The following UMAD1 variants were observed in gnomAD, a reference collection of about 807,000 sequenced individuals.
The protein encoded by UMAD1 is UBAP1-MVB12-associated (UMA)-domain containing protein 1.
In UMAD1, 8 loss-of-function variants were observed where a neutral mutation model predicts 6.1. The observed-to-expected ratio is 1.30, with a 90% CI of 0.76 to 2.35. The LOEUF is 2.35. Among genes scored for constraint, UMAD1 ranks in the 30% most tolerant of loss-of-function variants. The pLI is 0.00. For synonymous variants in UMAD1, 56 were observed against 31.4 expected (o/e 1.78, Z -2.61); for missense variants, 130 against 78.4 (o/e 1.66, Z -2.49).
In UMAD1 at chr7:7,777,482, G is replaced by C. The variant is rs1782234765; in HGVS notation, c.83-24188G>C. On this transcript the variant is annotated intron_variant, in intron 2 of 3. Transcript: ENST00000682710. ...GATTGAACCACCGCACTCCAGCCTG[G>C]GAGACAGTGTGAGACTCCATCTCAA... 7.0e-5 allele frequency among the ~76,000 whole-genome samples: 10 copies of C among 142,114 alleles called. No homozygotes were observed. In the South Asian group the frequency reaches 2.0e-3, roughly 29 times the overall value. 93.2% of individuals were successfully genotyped at this position (142,114 alleles called of 152,430 possible).
intron 1 of UMAD1, among the ~76,000 whole-genome samples, chr7:7,644,784 G>A (rs1785058793): frequency 6.6e-6 from 1 of 152,032 alleles, no homozygotes; most frequent in Non-Finnish European, 1.5e-5. Flanking sequence ...CTGTGTTCTC[G>A]GGAATGTCTT....
At chr7:7,661,869 C>G (rs2115091437) in intron 1 of UMAD1, among the ~76,000 whole-genome samples, 1 of 152,292 alleles carries the variant, frequency 6.6e-6, no homozygotes, top group East Asian at 1.9e-4. Context: ...TCAGAGCTGG[C>G]AGGCAGGGAC....
chr7:7,749,039 G>A (rs906803510), intron 2 of UMAD1, among the ~76,000 whole-genome samples: 1 of 151,898 alleles, frequency 6.6e-6, no homozygotes, highest in Admixed American at 6.6e-5. Flanking sequence ...ATTGATTTCT[G>A]TATTTGCTTA....
At position 7,742,026 on chromosome 7, in the gene UMAD1, G is replaced by A. The variant is rs1009100778; in HGVS notation, c.83-59644G>A. The A allele has an allele frequency of 1.5e-4, 65 of 438,326 alleles. 2 individuals are homozygous for A. The highest frequency in any genetic ancestry group is 5.8e-5 in the Admixed American group (2 of 34,692). The allele number at this position is 438,326 out of a possible 1,614,324, so 27.2% of individuals were successfully genotyped here. A position where few individuals can be genotyped will look rare whatever the true frequency, so the allele number is the denominator to read the frequency against. On this transcript the variant is annotated intron_variant, in intron 2 of 3. Transcript: ENST00000682710. The stretch of plus-strand genomic sequence containing the variant: ...ATACTATTTTTAAATGAATACTGAT[G>A]TGAGACAGTTCCATTGTACAGCACA...
intron 3 of UMAD1, among the ~76,000 whole-genome samples, chr7:7,849,347 TCA>T (rs1201761328): frequency 2.0e-5 from 3 of 152,178 alleles, no homozygotes; most frequent in Non-Finnish European, 4.4e-5. Context: ...TTTTCTAAGG[TCA>T]CACAAATGGG....
chr7:7,730,227 T>C (rs1781220817), intron 2 of UMAD1, among the ~76,000 whole-genome samples: 1 of 152,236 alleles, frequency 6.6e-6, no homozygotes, highest in African/African-American at 2.4e-5. Flanking sequence ...CAACCTTGGC[T>C]GTACTTTGGA....
intron 3 of UMAD1, among the ~76,000 whole-genome samples, chr7:7,833,124 T>C (rs1207728390): frequency 6.6e-6 from 1 of 152,138 alleles, no homozygotes; most frequent in Non-Finnish European, 1.5e-5. Flanking sequence ...GGCAGGAAAC[T>C]TTTTACTTAA....
intron 2 of UMAD1, among the ~76,000 whole-genome samples, chr7:7,799,631 C>T (rs1312405090): frequency 6.6e-6 from 1 of 152,186 alleles, no homozygotes; most frequent in African/African-American, 2.4e-5. Flanking sequence ...AAACATCGTG[C>T]ATGTGCATTG....
intron 3 of UMAD1, among the ~76,000 whole-genome samples, chr7:7,805,800 G>A (rs1042299575): frequency 2.0e-5 from 3 of 152,110 alleles, no homozygotes; most frequent in African/African-American, 7.2e-5. Context: ...TATCATTCAA[G>A]TGTCACTTTT....
chr7:7,843,816 A>G (rs1783732979), intron 3 of UMAD1, among the ~76,000 whole-genome samples: 1 of 152,214 alleles, frequency 6.6e-6, no homozygotes, highest in Non-Finnish European at 1.5e-5. Flanking sequence ...AACAACTAAC[A>G]TGCCCCAGGC....
At chr7:7,735,194 C>T (rs1315499556) in intron 2 of UMAD1, among the ~76,000 whole-genome samples, 1 of 152,082 alleles carries the variant, frequency 6.6e-6, no homozygotes, top group Admixed American at 6.5e-5. Flanking sequence ...ATTGGTAACA[C>T]ACCACTCTTG....
chr7:7,663,269 C>G (rs965583237), intron 1 of UMAD1, among the ~76,000 whole-genome samples: 9 of 136,464 alleles, frequency 6.6e-5, no homozygotes, highest in Non-Finnish European at 4.7e-5. Context: ...ACACCTAAAT[C>G]TAAGATAGTT....
At chr7:7,853,820 G>C (rs1783964277) in intron 3 of UMAD1, among the ~76,000 whole-genome samples, 1 of 151,822 alleles carries the variant, frequency 6.6e-6, no homozygotes, top group South Asian at 2.1e-4. Flanking sequence ...TTGCTTAATT[G>C]CCCTGACTAG....
intron 2 of UMAD1, among the ~76,000 whole-genome samples, chr7:7,688,367 C>CT (rs1780088455): frequency 6.6e-6 from 1 of 151,968 alleles, no homozygotes; most frequent in Non-Finnish European, 1.5e-5. Flanking sequence ...ATGTGAGAAC[C>CT]TTTTTACTTG....
chr7:7,871,846 CA>C (rs3075743), intron 3 of UMAD1, among the ~76,000 whole-genome samples: 63,194 of 145,378 alleles, frequency 0.43, 13,897 homozygotes, highest in East Asian at 0.72. Context: ...AGAGAATTGT[CA>C]AAAAAAAAAA....
chr7:7,824,223 C>A (rs960997532), intron 3 of UMAD1, among the ~76,000 whole-genome samples: 1 of 152,092 alleles, frequency 6.6e-6, no homozygotes, highest in African/African-American at 2.4e-5. Flanking sequence ...CCTCCAGCCT[C>A]ACTCCATTCC....
At chr7:7,715,731 A>C (rs892047868) in intron 2 of UMAD1, among the ~76,000 whole-genome samples, 1 of 152,230 alleles carries the variant, frequency 6.6e-6, no homozygotes, top group African/African-American at 2.4e-5. Flanking sequence ...GTAATCCATG[A>C]ATCAGAGTAT....
chr7:7,669,577 C>T (rs1366325684), intron 1 of UMAD1, among the ~76,000 whole-genome samples: 1 of 152,142 alleles, frequency 6.6e-6, no homozygotes, highest in Non-Finnish European at 1.5e-5. Flanking sequence ...GTTAGACTGA[C>T]CTTAGGTACC....
At chr7:7,762,878 T>A (rs1416102002) in intron 2 of UMAD1, among the ~76,000 whole-genome samples, 1 of 152,232 alleles carries the variant, frequency 6.6e-6, no homozygotes, top group Non-Finnish European at 1.5e-5. Context: ...TTAATGGATT[T>A]AATTTAAAAT....
Sources: allele counts gnomAD v4.1 joint callset (sites outside exome capture counted in the v4.1 genomes callset), GRCh38; gene constraint gnomAD v4.1.1; transcripts MANE v1.5; gene names NCBI Gene and HGNC (gene_info 2026-07-23, HGNC 2026-07-21).